FGF13: variants seen among roughly 807,000 people sequenced by gnomAD.
FGF13 encodes fibroblast growth factor 13, also known as fibroblast growth factor homologous factor 2.
Under a neutral mutation model 19.5 loss-of-function variants are expected in FGF13, and 2 were observed. The observed-to-expected ratio is 0.10, with a 90% confidence interval of 0.04 to 0.32. The LOEUF (loss-of-function observed/expected upper bound fraction) is 0.32, where lower values mean the gene tolerates loss of function less well. Ranked by LOEUF, FGF13 falls within the 10% of genes least tolerant of loss-of-function variation. The pLI is 1.00. For synonymous variants in FGF13, 72 were observed against 76.9 expected (o/e 0.94, Z 0.33); for missense variants, 113 against 192.7 (o/e 0.59, Z 2.45).
In FGF13 at chrX:138,711,133, C is replaced by G. The variant is rs1415380448; in HGVS notation, c.-130G>C. 2.0e-5 allele frequency: 22 copies of G among 1,094,923 alleles called. No individual in the cohort carries two copies. In the East Asian group the frequency reaches 7.2e-4, roughly 36 times the overall value. 90.2% of individuals were successfully genotyped at this position (1,094,923 alleles called of 1,213,427 possible). On this transcript the variant is annotated 5_prime_UTR_variant, in exon 1 of 5. Transcript: ENST00000315930. ...TTGGTCTCCTTAGCCTGCGTTTGCC[C>G]GGGCTTCTCCGCACTCGGGCTTCAG...
chrX:139,042,280 G>A (rs1239234396), intron 1 of FGF13, among the ~76,000 whole-genome samples: 2 of 111,952 alleles, frequency 1.8e-5, no homozygotes, highest in African/African-American at 3.3e-5. Flanking sequence ...CCAATGATAC[G>A]GAACATGGGT....
Position 138,967,505 on chromosome X carries a change from A to T in FGF13, c.-112-102855T>A, listed in dbSNP as rs2091899754. ...GGTCTTCCAATGTTACAGAAACCTT[A>T]GGGAAGTAAAGTAAAACTGGACAAG... On this transcript the variant is annotated intron_variant, in intron 1 of 2. Transcript: ENST00000421460. Among the ~76,000 whole-genome samples the T allele has an allele frequency of 2.7e-5, 3 of 111,630 alleles. No individual in the cohort carries two copies. In the South Asian group the frequency reaches 1.1e-3, roughly 42 times the overall value.
At chrX:138,952,906 A>T (rs1240116775) in intron 1 of FGF13, among the ~76,000 whole-genome samples, 2 of 110,482 alleles carry the variant, frequency 1.8e-5, no homozygotes, top group African/African-American at 6.6e-5. Flanking sequence ...TAGAATGGTG[A>T]TCATTAAAAA....
chrX:139,065,970 G>C (rs1006568217), intron 1 of FGF13, among the ~76,000 whole-genome samples: 1 of 111,614 alleles, frequency 9.0e-6, no homozygotes, highest in Admixed American at 9.6e-5. Context: ...ATAACAAACA[G>C]TCTCTCAGAC....
intron 3 of FGF13, among the ~76,000 whole-genome samples, chrX:138,640,370 C>T (rs1437200864): frequency 8.9e-6 from 1 of 112,032 alleles, no homozygotes; most frequent in African/African-American, 3.2e-5. Flanking sequence ...CCGCAAGACC[C>T]AAAGGTGTGC....
At chrX:139,085,117 C>T (rs1403269081) in intron 1 of FGF13, among the ~76,000 whole-genome samples, 2 of 111,962 alleles carry the variant, frequency 1.8e-5, no homozygotes, top group Non-Finnish European at 3.8e-5. Flanking sequence ...AGTCTACGAA[C>T]ACCATGTTGC....
chrX:138,872,080 C>A (rs2091360707), intron 1 of FGF13, among the ~76,000 whole-genome samples: 1 of 111,944 alleles, frequency 8.9e-6, no homozygotes, highest in Non-Finnish European at 1.9e-5. Flanking sequence ...TAGTTAGGAC[C>A]AGTGGCAGTT....
chrX:138,897,020 T>C (rs1395362956), intron 1 of FGF13, among the ~76,000 whole-genome samples: 2 of 111,559 alleles, frequency 1.8e-5, no homozygotes, highest in Non-Finnish European at 3.8e-5. Context: ...AGACAGAAAA[T>C]GCACCTTGAG....
At position 139,157,595 on chromosome X, in the gene FGF13, T is replaced by C. The variant is rs186200972; in HGVS notation, c.-113+45821A>G. Among the ~76,000 whole-genome samples, 16 of 112,577 alleles carry C rather than the reference T, an allele frequency of 1.4e-4. No homozygotes were observed. The East Asian group carries it at 3.9e-3, about 28-fold the overall frequency. On this transcript the variant is annotated intron_variant, in intron 1 of 2. Coordinates refer to the FGF13 transcript ENST00000421460. The stretch of plus-strand genomic sequence containing the variant: ...AGGCCTTCACCCCATGCAGGTGTAA[T>C]GGTTTTTAACTTCCCAGCCTCCAGA...
chrX:139,144,169 C>T (rs1305024229), intron 1 of FGF13, among the ~76,000 whole-genome samples: 1 of 111,869 alleles, frequency 8.9e-6, no homozygotes, highest in Non-Finnish European at 1.9e-5. Flanking sequence ...ACCCTCACCA[C>T]AGTCTCACTC....
intron 1 of FGF13, among the ~76,000 whole-genome samples, chrX:139,187,370 A>C (rs1285422540): frequency 8.9e-6 from 1 of 112,832 alleles, no homozygotes; most frequent in Non-Finnish European, 1.9e-5. Context: ...TTCATGGCCT[A>C]CTAATAATAG....
chrX:138,692,332 G>A (rs2089846329), intron 3 of FGF13, among the ~76,000 whole-genome samples: 2 of 109,595 alleles, frequency 1.8e-5, no homozygotes, highest in Admixed American at 1.9e-4. Context: ...ATAGGATTTT[G>A]TAGGCAAACT....
At chrX:139,041,772 C>A (rs189335884) in intron 1 of FGF13, among the ~76,000 whole-genome samples, 1 of 111,843 alleles carries the variant, frequency 8.9e-6, no homozygotes, top group East Asian at 2.8e-4. Flanking sequence ...ACCACACCAA[C>A]TTGAATTTAA....
chrX:139,187,252 G>A (rs1337975761), intron 1 of FGF13, among the ~76,000 whole-genome samples: 1 of 112,853 alleles, frequency 8.9e-6, no homozygotes, highest in Non-Finnish European at 1.9e-5. Context: ...CAACATGAGT[G>A]ATATAGTTGG....
intron 1 of FGF13, among the ~76,000 whole-genome samples, chrX:138,917,814 T>C (rs1310524737): frequency 9.0e-6 from 1 of 111,658 alleles, no homozygotes; most frequent in African/African-American, 3.3e-5. Flanking sequence ...CAGGTTACCA[T>C]GGCATAAAAT....
At chrX:138,703,453 C>T (rs888032608) in intron 2 of FGF13, among the ~76,000 whole-genome samples, 7 of 111,788 alleles carry the variant, frequency 6.3e-5, no homozygotes, top group Non-Finnish European at 1.3e-4. Flanking sequence ...TGGAAAGATA[C>T]AGTCCCAAGA....
At chrX:138,666,799 A>G (rs2089551563) in intron 3 of FGF13, among the ~76,000 whole-genome samples, 1 of 111,119 alleles carries the variant, frequency 9.0e-6, no homozygotes, top group African/African-American at 3.3e-5. Context: ...TCCATTTCCT[A>G]ACACTTTTTT....
chrX:138,756,679 T>C (rs2090433466), intron 3 of FGF13, among the ~76,000 whole-genome samples: 1 of 112,043 alleles, frequency 8.9e-6, no homozygotes, highest in Non-Finnish European at 1.9e-5. Context: ...CAGCCCTTTG[T>C]CAGACCGCAG....
At chrX:138,719,253 T>C (rs1162614103) in intron 1 of FGF13, among the ~76,000 whole-genome samples, 1 of 112,209 alleles carries the variant, frequency 8.9e-6, no homozygotes, top group Non-Finnish European at 1.9e-5. Context: ...AATCAGTTTT[T>C]TTTTCTTTAA....
Sources: gnomAD v4.1 joint callset for allele counts (sites outside exome capture counted in the v4.1 genomes callset) on GRCh38, gnomAD v4.1.1 for gene constraint, MANE v1.5 for transcripts, NCBI Gene and HGNC (gene_info 2026-07-23, HGNC 2026-07-21) for gene names.